FRY: variants seen among roughly 807,000 people sequenced by gnomAD.
FRY encodes FRY microtubule binding protein, also known as protein furry homolog.
Under a neutral mutation model 348.4 loss-of-function variants are expected in FRY, and 128 were observed. That is an observed-to-expected ratio of 0.37 (90% CI 0.32 to 0.43). The LOEUF is 0.43. FRY is among the 20% of genes least tolerant of loss of function. The probability of loss-of-function intolerance (pLI) is 1.00; values close to 1 mark genes in which losing one functional copy is unlikely to be tolerated. For synonymous variants in FRY, 1,370 were observed against 1,374.7 expected, an observed-to-expected ratio of 1.00 and a Z score of 0.08; for missense variants, 2,736 against 3,695.2, an observed-to-expected ratio of 0.74 and a Z score of 6.73.
chr13:32,072,007 C>G (rs1336556130), intron 1 of FRY, among the ~76,000 whole-genome samples: 1 of 152,174 alleles, frequency 6.6e-6, no homozygotes, highest in East Asian at 1.9e-4. Flanking sequence ...GTTGACCACT[C>G]TGTAACCTGG....
chr13:32,206,684 G>A (rs1323878639), intron 31 of FRY, among the ~76,000 whole-genome samples: 1 of 152,238 alleles, frequency 6.6e-6, no homozygotes, highest in African/African-American at 2.4e-5. Flanking sequence ...GCTCCTATGA[G>A]TTGCAAGCAG....
chr13:32,090,253 C>T (rs1876195119), intron 2 of FRY, among the ~76,000 whole-genome samples: 1 of 141,442 alleles, frequency 7.1e-6, no homozygotes, highest in Non-Finnish European at 1.5e-5. Context: ...GAGGCTGAGG[C>T]GGGAGAATGG....
intron 51 of FRY, among the ~76,000 whole-genome samples, chr13:32,258,502 A>G (rs1887452831): frequency 6.6e-6 from 1 of 151,988 alleles, no homozygotes; most frequent in African/African-American, 2.4e-5. Context: ...AATCCCAGCT[A>G]CCTGGGAGGC....
At chr13:32,135,936 T>A (rs1879687842) in intron 10 of FRY, among the ~76,000 whole-genome samples, 1 of 152,186 alleles carries the variant, frequency 6.6e-6, no homozygotes, top group Non-Finnish European at 1.5e-5. Flanking sequence ...CATTCTGTGG[T>A]CATTGTGACT....
chr13:32,032,646 T>G (rs1440046054), intron 1 of FRY, among the ~76,000 whole-genome samples: 1 of 152,216 alleles, frequency 6.6e-6, no homozygotes, highest in Non-Finnish European at 1.5e-5. Flanking sequence ...ACCTCTAAGC[T>G]GCCGTGGATC....
chr13:32,272,796 C>T (rs1051651217), intron 55 of FRY, among the ~76,000 whole-genome samples: 5 of 152,056 alleles, frequency 3.3e-5, no homozygotes, highest in African/African-American at 2.4e-5. Context: ...AGTGCAGTAG[C>T]GCGATCTTGG....
Position 32,239,265 on chromosome 13 carries a change from T to C in FRY, c.6432T>C (p.Asn2144=). The C allele has an allele frequency of 2.5e-6, 4 of 1,601,486 alleles. No homozygotes were observed. Among genetic ancestry groups the C allele is most frequent in the Non-Finnish European group, 3.4e-6 (4 of 1,168,460 alleles). Residue 2144 remains asparagine, a synonymous_variant, in exon 45 of 61, where the codon AAT becomes AAC. Coordinates refer to ENST00000542859, the MANE Select transcript of FRY (RefSeq NM_023037.3). This position sits in a 1 kb window ranked among gnomAD's most constrained non-coding sequence, Gnocchi z 4.3. The part of the protein sequence containing the change: ...DASHAIGFPL[N]VLCLLPQLIQ... ...TCTCTAATCCAGGGTTTCCACTGAA[T>C]GTCTTGTGTCTCCTGCCTCAGCTGA... is the stretch of plus-strand genomic sequence containing the variant.
chr13:32,225,886 T>C lies in FRY; in HGVS notation c.5118T>C (p.Ile1706=). The part of the protein sequence containing the change: ...ALSCNSNFHS[I]ASVLLQTREM... ...CTTGCAACAGCAATTTCCATTCCAT[T>C]GCTTCCGTGCTCCTGCAGACCCGAG... Residue 1706 remains isoleucine (I), a synonymous_variant, in exon 39 of 61, where the codon ATT becomes ATC. Coordinates refer to ENST00000542859, the MANE Select transcript of FRY (RefSeq NM_023037.3). 1 of 1,614,144 alleles carries C rather than the reference T, an allele frequency of 6.2e-7. No homozygotes were observed.
chr13:32,295,122 CTT>C (rs1331572103), intron 60 of FRY, 78 bp from the exon 61 acceptor site: 5 of 1,256,264 alleles, frequency 4.0e-6, no homozygotes, highest in African/African-American at 2.9e-5. Flanking sequence ...AAGTAATACT[CTT>C]ATATTAATGA....
chr13:32,239,334 C>G lies in FRY; in HGVS notation c.6501C>G (p.Ala2167=). ...ENPNQFCKDI[A]ERIAQVCLEE... Reference sequence around the variant, plus strand: ...CCAATCAGTTCTGTAAGGATATAGCCGAAAGGATTGCTCAGGTATGAGTTA... The same window carrying G: ...CCAATCAGTTCTGTAAGGATATAGCGGAAAGGATTGCTCAGGTATGAGTTA... Residue 2167 remains alanine (A), a synonymous_variant, in exon 45 of 61, where the codon GCC becomes GCG. Transcript: ENST00000542859. This position sits in a 1 kb window ranked among gnomAD's most constrained non-coding sequence, Gnocchi z 4.3. The G allele has an allele frequency of 6.3e-7, 1 of 1,599,280 alleles. No homozygotes were observed. Among genetic ancestry groups the G allele is most frequent in the Non-Finnish European group, 8.6e-7 (1 of 1,166,558 alleles).
chr13:32,237,363 T>G lies in FRY; in HGVS notation c.5811-16T>G. The G allele has an allele frequency of 6.2e-7, 1 of 1,613,302 alleles. No homozygotes were observed. Among genetic ancestry groups the G allele is most frequent in the East Asian group, 2.2e-5 (1 of 44,870 alleles). On this transcript the variant is annotated splice_polypyrimidine_tract_variant and intron_variant, in intron 43 of 60. Transcript: ENST00000542859. The surrounding 1 kb of genome is among the most constrained non-coding windows in gnomAD (Gnocchi z 6.3). ...CATGTTGGCATCCTATTAAACTTATTTATTTTTATACCCAGCTCTTCCTCA... is the reference window on the plus strand; with the variant it reads ...CATGTTGGCATCCTATTAAACTTATGTATTTTTATACCCAGCTCTTCCTCA...
intron 28 of FRY, 75 bp downstream of exon 28, chr13:32,187,731 A>G (rs1883105672): frequency 1.2e-6 from 1 of 820,636 alleles, no homozygotes; most frequent in East Asian, 2.4e-5. Context: ...GAGATGTGTA[A>G]GCATTGTTCA....
At chr13:32,088,289 T>C (rs1031567827) in intron 2 of FRY, among the ~76,000 whole-genome samples, 13 of 152,232 alleles carry the variant, frequency 8.5e-5, no homozygotes, top group African/African-American at 3.1e-4. Flanking sequence ...AATGCTGTCC[T>C]GAAAAGAGAC....
In FRY at chr13:32,239,491, T is replaced by C. The variant is rs990282424; in HGVS notation, c.6516+142T>C. The C allele has an allele frequency of 2.1e-5, 15 of 721,512 alleles. No individual in the cohort carries two copies. Among genetic ancestry groups the C allele is most frequent in the Non-Finnish European group, 3.5e-5 (14 of 398,040 alleles). 44.7% of individuals were successfully genotyped at this position (721,512 alleles called of 1,614,324 possible). ...AACTAATATCACAGTAATGGAAATATAGGGGTGGCTGATGCAAATTGTCTT... is the reference window on the plus strand; with the variant it reads ...AACTAATATCACAGTAATGGAAATACAGGGGTGGCTGATGCAAATTGTCTT... On this transcript the variant is annotated intron_variant, in intron 45 of 60. Transcript: ENST00000542859. The surrounding 1 kb of genome is among the most constrained non-coding windows in gnomAD (Gnocchi z 4.3).
intron 39 of FRY, among the ~76,000 whole-genome samples, chr13:32,228,083 A>G (rs1318634393): frequency 6.6e-6 from 1 of 152,186 alleles, no homozygotes; most frequent in Non-Finnish European, 1.5e-5. Flanking sequence ...AATACCCAGG[A>G]ATAATTTATT....
At position 32,178,284 on chromosome 13, in the gene FRY, A is replaced by G; in HGVS notation, c.2529A>G (p.Ile843Met). 1 of 1,614,144 alleles carries G rather than the reference A, an allele frequency of 6.2e-7. No individual in the cohort carries two copies. Among genetic ancestry groups the G allele is most frequent in the South Asian group, 1.1e-5 (1 of 91,078 alleles). ...YDVKSPSHVW[I>M]FAQSVKDPWV... ...TGAAAAGCCCTTCCCATGTCTGGAT[A>G]TTTGCACAGTCTGTCAAAGACCCCT... The change falls in exon 21 of 61, where the codon ATA (isoleucine) becomes ATG (methionine). Residue 843 changes from isoleucine to methionine, a missense_variant. This residue lies in a region of FRY where 449 missense variants were observed against 576.9 expected (regional missense o/e 0.78). Coordinates refer to ENST00000542859, the MANE Select transcript of FRY (RefSeq NM_023037.3).
At chr13:32,071,186 G>T (rs1874633193) in intron 1 of FRY, among the ~76,000 whole-genome samples, 1 of 152,132 alleles carries the variant, frequency 6.6e-6, no homozygotes. Context: ...GATTGTCTCG[G>T]CTATGCAGAC....
intron 28 of FRY, among the ~76,000 whole-genome samples, chr13:32,190,042 G>A (rs117294376): frequency 0.023 from 3,429 of 151,712 alleles, 58 homozygotes; most frequent in Non-Finnish European, 0.034. Flanking sequence ...TATATTCACA[G>A]AATCTCAAAA....
chr13:32,107,056 G>A (rs1338639596), intron 3 of FRY, among the ~76,000 whole-genome samples: 1 of 152,128 alleles, frequency 6.6e-6, no homozygotes, highest in Non-Finnish European at 1.5e-5. Flanking sequence ...CTCCAACTCT[G>A]TAAGAATAAA....
Sources: gnomAD v4.1 joint callset for allele counts (sites outside exome capture counted in the v4.1 genomes callset) on GRCh38, gnomAD v4.1.1 for gene constraint, gnomAD v4.1.1 regional missense constraint, Gnocchi (gnomAD v3.1) non-coding constraint, MANE v1.5 for transcripts, NCBI Gene and HGNC (gene_info 2026-07-23, HGNC 2026-07-21) for gene names.